ZBTB40: variants seen among roughly 807,000 people sequenced by gnomAD.
ZBTB40 encodes zinc finger and BTB domain-containing protein 40.
ZBTB40 carries 60 observed loss-of-function variants against 117.5 expected under a neutral mutation model. The ratio of observed to expected loss-of-function variants is 0.51; its 90% CI spans 0.41 to 0.63. The LOEUF is 0.63. Ranked by LOEUF, ZBTB40 falls within the 30% of genes least tolerant of loss-of-function variation. ZBTB40 has a pLI of 0.00. For synonymous variants in ZBTB40, 525 were observed against 577.1 expected (o/e 0.91, Z 1.29); for missense variants, 1,287 against 1,498.5 (o/e 0.86, Z 2.33).
At chr1:22,504,747 G>A (rs1639034441) in intron 5 of ZBTB40, among the ~76,000 whole-genome samples, 1 of 152,200 alleles carries the variant, frequency 6.6e-6, no homozygotes, top group Admixed American at 6.5e-5. Context: ...AATAAGGCTT[G>A]AAGAATTAAA....
intron 1 of ZBTB40, among the ~76,000 whole-genome samples, chr1:22,454,904 GCTAA>G (rs1640969933): frequency 6.6e-6 from 1 of 152,190 alleles, no homozygotes; most frequent in South Asian, 2.1e-4. Context: ...TTTATAAAGT[GCTAA>G]CTAATAACAA....
chr1:22,524,976 G>A (rs1210362435), intron 17 of ZBTB40, among the ~76,000 whole-genome samples: 3 of 152,190 alleles, frequency 2.0e-5, no homozygotes, highest in Non-Finnish European at 2.9e-5. Flanking sequence ...AGAGAGGGTG[G>A]GCAGAAAAGG....
At chr1:22,505,233 C>T (rs1011460613) in intron 5 of ZBTB40, among the ~76,000 whole-genome samples, 5 of 152,166 alleles carry the variant, frequency 3.3e-5, no homozygotes, top group African/African-American at 1.2e-4. Flanking sequence ...TAATCCCCTG[C>T]TTTATCAGTT....
intron 1 of ZBTB40, among the ~76,000 whole-genome samples, chr1:22,444,872 T>C (rs1017764946): frequency 3.3e-5 from 5 of 152,248 alleles, no homozygotes; most frequent in Non-Finnish European, 4.4e-5. Context: ...CTTTCCTTCC[T>C]GCTCTAAAAC....
At chr1:22,494,914 A>C (rs574160429) in intron 3 of ZBTB40, among the ~76,000 whole-genome samples, 16 of 152,356 alleles carry the variant, frequency 1.1e-4, no homozygotes, top group African/African-American at 3.6e-4. Flanking sequence ...GAGCGCATTT[A>C]AGAGCTGTTC....
Position 22,511,674 on chromosome 1 carries a change from A to G in ZBTB40, c.2003-2A>G. On this transcript the variant is annotated splice_acceptor_variant, in intron 10 of 17. Transcript: ENST00000375647. LOFTEE classifies it high-confidence loss of function. ...GAGCCACGAGATGTCTCTTTTATGC[A>G]GGTGTCCTTACTAAGGAAGATGGAG... 1.2e-6 allele frequency: 2 copies of G among 1,610,964 alleles called. No individual in the cohort carries two copies.
chr1:22,432,442 C>A (rs912567908), intron 1 of ZBTB40, among the ~76,000 whole-genome samples: 1 of 152,328 alleles, frequency 6.6e-6, no homozygotes, highest in South Asian at 2.1e-4. Flanking sequence ...GCTGCTCTAT[C>A]TAATGTGGCG....
intron 16 of ZBTB40, among the ~76,000 whole-genome samples, chr1:22,522,719 C>G (rs1639565331): frequency 6.6e-6 from 1 of 151,952 alleles, no homozygotes; most frequent in African/African-American, 2.4e-5. Flanking sequence ...ATCTAAAGTG[C>G]CAGTTAAAAA....
At chr1:22,450,907 C>T (rs1251909278), upstream of ZBTB40, among the ~76,000 whole-genome samples, 3 of 152,128 alleles carry the variant, frequency 2.0e-5, no homozygotes, top group East Asian at 5.8e-4. Flanking sequence ...ACGTAACTGT[C>T]AGGGACAGAA....
At chr1:22,461,908 G>A (rs1423766152) in intron 1 of ZBTB40, among the ~76,000 whole-genome samples, 2 of 152,082 alleles carry the variant, frequency 1.3e-5, no homozygotes, top group African/African-American at 2.4e-5. Context: ...CATCTTTTTC[G>A]CTGATAGGGC....
intron 1 of ZBTB40, among the ~76,000 whole-genome samples, chr1:22,445,230 GT>G (rs1640774144): frequency 6.6e-6 from 1 of 152,134 alleles, no homozygotes; most frequent in African/African-American, 2.4e-5. Context: ...TGATTTACAG[GT>G]TTTACCAAAG....
In ZBTB40 at chr1:22,458,016, G is replaced by T. The variant is rs372750864; in HGVS notation, c.-70+6012G>T. Among the ~76,000 whole-genome samples the T allele has an allele frequency of 2.3e-3, 347 of 152,324 alleles. 2 individuals are homozygous for T. The highest frequency in any genetic ancestry group is 8.1e-3 in the African/African-American group (338 of 41,560). ...GCTCAGTGGATGGCACCACAGAGTTGCCAAAGGCAGAAACCTGGGAATGGT... is the reference window on the plus strand; with the variant it reads ...GCTCAGTGGATGGCACCACAGAGTTTCCAAAGGCAGAAACCTGGGAATGGT... On this transcript the variant is annotated intron_variant, in intron 1 of 17. Transcript: ENST00000375647.
In ZBTB40 at chr1:22,526,186, G is replaced by T; in HGVS notation, c.3526-16G>T. ...TGAACACTGCCCAGAGCAGCCTCAC[G>T]GTCTTTCTCTTTCAGGTGATCCAAA... On this transcript the variant is annotated splice_polypyrimidine_tract_variant and intron_variant, in intron 17 of 17. Coordinates refer to ENST00000375647, the MANE Select transcript of ZBTB40 (RefSeq NM_014870.4). 6.2e-7 allele frequency: 1 copy of T among 1,614,072 alleles called. No homozygotes were observed. The highest frequency in any genetic ancestry group is 2.2e-5 in the East Asian group (1 of 44,876).
At position 22,506,255 on chromosome 1, in the gene ZBTB40, G is replaced by T. The variant is rs755516763; in HGVS notation, c.1360+14G>T. 1.1e-5 allele frequency: 18 copies of T among 1,613,572 alleles called. No individual in the cohort carries two copies. The African/African-American group carries it at 2.3e-4, about 20-fold the overall frequency. On this transcript the variant is annotated intron_variant, in intron 6 of 17. Coordinates refer to ENST00000375647, the MANE Select transcript of ZBTB40 (RefSeq NM_014870.4). The stretch of plus-strand genomic sequence containing the variant: ...CAAGCACCACAGGTATTAGTAAATT[G>T]TTGACTCTCTGGACTGGAACCACTC...
At chr1:22,518,870 C>A (rs1285020891) in intron 13 of ZBTB40, among the ~76,000 whole-genome samples, 1 of 152,182 alleles carries the variant, frequency 6.6e-6, no homozygotes, top group East Asian at 1.9e-4. Flanking sequence ...GTCTTCCTTT[C>A]CCAGTAGCAT....
chr1:22,509,213 C>T lies in ZBTB40; in HGVS notation c.1813C>T (p.Leu605=). Reference sequence around the variant, plus strand: ...GCTCTTTACCTCGGAGGAGGAGCACCTGGCAGAGACTGTGAAAGAGGTGTG... The same window carrying T: ...GCTCTTTACCTCGGAGGAGGAGCACTTGGCAGAGACTGTGAAAGAGGTGTG... ...YKLFTSEEEH[L]AETVKEILSI... Residue 605 remains leucine (L), a synonymous_variant, in exon 9 of 18, where the codon CTG becomes TTG. Coordinates refer to ENST00000375647, the MANE Select transcript of ZBTB40 (RefSeq NM_014870.4). The T allele has an allele frequency of 6.2e-7, 1 of 1,614,092 alleles. No individual in the cohort carries two copies. The highest frequency in any genetic ancestry group is 8.5e-7 in the Non-Finnish European group (1 of 1,179,988).
chr1:22,434,714 G>A (rs1640648150), intron 1 of ZBTB40, among the ~76,000 whole-genome samples: 1 of 152,010 alleles, frequency 6.6e-6, no homozygotes, highest in Admixed American at 6.6e-5. Flanking sequence ...CTAAATTTCT[G>A]TATGTATCTT....
rs1197889364 is a variant in ZBTB40, at chr1:22,530,702, A to G, written c.*4306A>G. 2 of 152,314 alleles carry G rather than the reference A, an allele frequency of 1.3e-5. No individual in the cohort carries two copies. The highest frequency in any genetic ancestry group is 1.9e-4 in the East Asian group (1 of 5,312). The allele number at this position is 152,314 out of a possible 1,614,324, so 9.4% of individuals were successfully genotyped here. On this transcript the variant is annotated 3_prime_UTR_variant, in exon 18 of 18. Coordinates refer to ENST00000375647, the MANE Select transcript of ZBTB40 (RefSeq NM_014870.4). Reference sequence around the variant, plus strand: ...TGTACTTTGAAAAAAATTAGGCTACATGAGTTTCAAATGGACTGTGATGTT... The same window carrying G: ...TGTACTTTGAAAAAAATTAGGCTACGTGAGTTTCAAATGGACTGTGATGTT...
chr1:22,521,348 C>T, intron 14 of ZBTB40, 148 bp from the exon 15 acceptor site: 1 of 1,018,746 alleles, frequency 9.8e-7, no homozygotes, highest in South Asian at 1.4e-5. Flanking sequence ...GCTTTCCTCA[C>T]ATCAGCACCC....
Sources: allele counts gnomAD v4.1 joint callset (sites outside exome capture counted in the v4.1 genomes callset), GRCh38; gene constraint gnomAD v4.1.1; transcripts MANE v1.5; gene names NCBI Gene and HGNC (gene_info 2026-07-23, HGNC 2026-07-21).